Variants in MAPK15 observed in about 807,000 individuals in gnomAD.
MAPK15 encodes the protein mitogen-activated protein kinase 15.
MAPK15 carries 61 observed loss-of-function variants against 60.8 expected under a neutral mutation model. The ratio of observed to expected loss-of-function variants is 1.00; its 90% confidence interval spans 0.82 to 1.24. The LOEUF is 1.24. Among genes scored for constraint, MAPK15 ranks in the 50% most tolerant of loss-of-function variants. The pLI is 0.00. For synonymous variants in MAPK15, 356 were observed against 319.9 expected, an observed-to-expected ratio of 1.11 and a Z score of -1.21; for missense variants, 808 against 741.1, an observed-to-expected ratio of 1.09 and a Z score of -1.05.
chr8:143,718,912 T>A lies in MAPK15; in HGVS notation c.417+7T>A, dbSNP rs1554619064. On this transcript the variant is annotated splice_region_variant and intron_variant, in intron 5 of 13. Transcript: ENST00000338033. Reference sequence around the variant, plus strand: ...TGTGCACCGGGACCAGAAGGTGCGGTTCCCCCGCCCCCGCTATGCCACGTG... The same window carrying A: ...TGTGCACCGGGACCAGAAGGTGCGGATCCCCCGCCCCCGCTATGCCACGTG... The A allele has an allele frequency of 1.2e-6, 2 of 1,602,016 alleles. No individual in the cohort carries two copies. Among genetic ancestry groups the A allele is most frequent in the East Asian group, 4.5e-5 (2 of 44,688 alleles).
chr8:143,719,282 G>A (rs1817949378), intron 6 of MAPK15, 61 bp from the exon 7 acceptor site: 8 of 1,537,360 alleles, frequency 5.2e-6, no homozygotes, highest in African/African-American at 1.4e-5. Context: ...TCACCCCCCA[G>A]CAACCCCACC....
intron 10 of MAPK15, 55 bp from the exon 11 acceptor site, chr8:143,721,176 C>A (rs1428778281): frequency 2.5e-6 from 4 of 1,591,968 alleles, no homozygotes; most frequent in Non-Finnish European, 3.4e-6. Context: ...TGTCAGAGAC[C>A]CCCAAACGCC....
In MAPK15 at chr8:143,718,795, A is replaced by G; in HGVS notation, c.307A>G (p.Ile103Val). The change falls in exon 5 of 14, where the codon ATC becomes GTC. Residue 103 changes from isoleucine to valine, a missense_variant. By Grantham distance (29) the Ile-to-Val change is conservative. Coordinates refer to ENST00000338033, the MANE Select transcript of MAPK15 (RefSeq NM_139021.3). ...EFMDTDLNAV[I>V]RKGGLLQDVH... ...TGCAGACACTGACCTGAACGCAGTC[A>G]TCCGGAAGGGCGGCCTGCTGCAGGA... The G allele has an allele frequency of 1.9e-6, 3 of 1,542,862 alleles. No homozygotes were observed. Among genetic ancestry groups the G allele is most frequent in the Non-Finnish European group, 2.6e-6 (3 of 1,140,422 alleles).
intron 1 of MAPK15, among the ~76,000 whole-genome samples, chr8:143,716,678 G>T (rs1371494245): frequency 6.6e-6 from 1 of 152,152 alleles, no homozygotes; most frequent in Non-Finnish European, 1.5e-5. Context: ...AGCCAGGGCC[G>T]CCAGAGGCCT....
Position 143,720,996 on chromosome 8 carries a change from G to A in MAPK15, c.918-4G>A, listed in dbSNP as rs1437058278. Reference sequence around the variant, plus strand: ...CCGGGCCCCACCTCCCTGGCTCCCTGCAGGTTCCACTGCCCCAGCGACGAG... The same window carrying A: ...CCGGGCCCCACCTCCCTGGCTCCCTACAGGTTCCACTGCCCCAGCGACGAG... On this transcript the variant is annotated splice_polypyrimidine_tract_variant and splice_region_variant and intron_variant, in intron 9 of 13. Transcript: ENST00000338033. This position sits in a 1 kb window ranked among gnomAD's most constrained non-coding sequence, Gnocchi z 4.6. The A allele has an allele frequency of 3.7e-6, 6 of 1,608,084 alleles. No homozygotes were observed. Among genetic ancestry groups the A allele is most frequent in the Non-Finnish European group, 5.1e-6 (6 of 1,177,872 alleles).
rs782270731 is a variant in MAPK15, at chr8:143,719,408, C to T, written c.647C>T (p.Pro216Leu). Residue 216 changes from proline (P) to leucine (L), a missense_variant, in exon 7 of 14, where the codon CCC (proline) becomes CTC (leucine). By Grantham distance (98) the Pro-to-Leu change is moderately conservative (BLOSUM62 -3). Coordinates refer to ENST00000338033, the MANE Select transcript of MAPK15 (RefSeq NM_139021.3). ...CILGEMLRGR[P>L]LFPGTSTLHQ... Reference sequence around the variant, plus strand: ...CTGGGGGAGATGCTGCGGGGGAGACCCCTGTTCCCCGGCACGTCCACCCTC... The same window carrying T: ...CTGGGGGAGATGCTGCGGGGGAGACTCCTGTTCCCCGGCACGTCCACCCTC... 2 of 1,611,320 alleles carry T rather than the reference C, an allele frequency of 1.2e-6. No individual in the cohort carries two copies. Among genetic ancestry groups the T allele is most frequent in the South Asian group, 1.1e-5 (1 of 90,748 alleles).
rs1678293334 is a variant in MAPK15, at chr8:143,721,643, G to A, written c.1299G>A (p.Ala433=). 6.8e-6 allele frequency: 11 copies of A among 1,609,612 alleles called. No homozygotes were observed. Among genetic ancestry groups the A allele is most frequent in the East Asian group, 2.2e-5 (1 of 44,820 alleles). The part of the protein sequence containing the change: ...LLGNGERPPG[A]KEAPPLTLSL... ...GGAATGGGGAAAGGCCCCCTGGGGC[G>A]AAGGAAGCGCCCCCCTTGACACTCT... is the stretch of plus-strand genomic sequence containing the variant. Residue 433 remains alanine, a synonymous_variant, in exon 12 of 14, where the codon GCG becomes GCA. Coordinates refer to ENST00000338033, the MANE Select transcript of MAPK15 (RefSeq NM_139021.3).
In MAPK15 at chr8:143,721,762, G is replaced by A; in HGVS notation, c.1340G>A (p.Ser447Asn). 6.2e-7 allele frequency: 1 copy of A among 1,613,546 alleles called. No individual in the cohort carries two copies. Among genetic ancestry groups the A allele is most frequent in the Non-Finnish European group, 8.5e-7 (1 of 1,179,882 alleles). The part of the protein sequence containing the change: ...PPLTLSLVKP[S>N]GRGAAPSLTS... Reference sequence around the variant, plus strand: ...CATGGCCCTTCCCAGGTGAAGCCAAGCGGGAGGGGAGCTGCGCCCTCCCTG... The same window carrying A: ...CATGGCCCTTCCCAGGTGAAGCCAAACGGGAGGGGAGCTGCGCCCTCCCTG... The change falls in exon 13 of 14, where the codon AGC (serine) becomes AAC (asparagine). Residue 447 changes from serine (S) to asparagine (N), a missense_variant. Coordinates refer to ENST00000338033, the MANE Select transcript of MAPK15 (RefSeq NM_139021.3).
At chr8:143,716,566 C>G in intron 1 of MAPK15, 123 bp downstream of exon 1, 1 of 817,144 alleles carries the variant, frequency 1.2e-6, no homozygotes, top group Non-Finnish European at 1.8e-6. Context: ...CCTGCCTCCT[C>G]CGTAGGCGGG....
chr8:143,717,319 G>A (rs1262571944), intron 1 of MAPK15, among the ~76,000 whole-genome samples: 1 of 152,180 alleles, frequency 6.6e-6, no homozygotes, highest in Non-Finnish European at 1.5e-5. Flanking sequence ...CCGTGGCAGG[G>A]GCTAGATTCT....
chr8:143,719,604 C>T, intron 7 of MAPK15, 122 bp downstream of exon 7: 1 of 1,333,978 alleles, frequency 7.5e-7, no homozygotes, highest in Non-Finnish European at 9.9e-7. Flanking sequence ...AGGGAGGATC[C>T]AGAGGATGGG....
At position 143,716,430 on chromosome 8, in the gene MAPK15, AG is replaced by A. The variant is rs1554618354; in HGVS notation, c.54del (p.Gln18HisfsTer62). The A allele has an allele frequency of 1.2e-6, 2 of 1,603,780 alleles. No homozygotes were observed. Among genetic ancestry groups the A allele is most frequent in the Admixed American group, 3.4e-5 (2 of 59,068 alleles). The stretch of plus-strand genomic sequence containing the variant: ...GTCCGGAGATACCTACTCAGGCGGC[AG>A]CTCGGGCAGGGGGTGAGTGCCTGGG... Reference protein sequence around the residue: ...RIVRRYLLRRQLGQGAYGIVW... With the variant: ...RIVRRYLLRRXLGQGAYGIVW... On this transcript the variant is annotated frameshift_variant, in exon 1 of 14. Transcript: ENST00000338033. LOFTEE classifies it high-confidence loss of function.
Position 143,719,106 on chromosome 8 carries a change from C to CGTGGCCACACGCT in MAPK15, c.533_545dup (p.Trp182CysfsTer62), listed in dbSNP as rs1563749635. On this transcript the variant is annotated frameshift_variant, in exon 6 of 14. Transcript: ENST00000338033. LOFTEE classifies it high-confidence loss of function. ...CTGAGGACCAGGCCGTGACAGAGTA[C>CGTGGCCACACGCT]GTGGCCACACGCTGGTACCGAGCAC... The CGTGGCCACACGCT allele has an allele frequency of 1.3e-6, 2 of 1,562,702 alleles. No individual in the cohort carries two copies. The highest frequency in any genetic ancestry group is 1.7e-6 in the Non-Finnish European group (2 of 1,154,038).
rs374143686 is a variant in MAPK15, at chr8:143,718,759, C to T, written c.287-16C>T. Reference sequence around the variant, plus strand: ...CAGCCCCCCACCCCCGACTGCAGTGCGCACCCTCTCTGCAGACACTGACCT... The same window carrying T: ...CAGCCCCCCACCCCCGACTGCAGTGTGCACCCTCTCTGCAGACACTGACCT... On this transcript the variant is annotated splice_polypyrimidine_tract_variant and intron_variant, in intron 4 of 13. Coordinates refer to ENST00000338033, the MANE Select transcript of MAPK15 (RefSeq NM_139021.3). 96 of 1,166,256 alleles carry T rather than the reference C, an allele frequency of 8.2e-5. No homozygotes were observed. Among genetic ancestry groups the T allele is most frequent in the South Asian group, 7.3e-4 (58 of 79,338 alleles). 72.2% of individuals were successfully genotyped at this position (1,166,256 alleles called of 1,614,324 possible).
chr8:143,722,340 C>T lies in MAPK15; in HGVS notation c.*89C>T, dbSNP rs1818117905. 6 of 1,222,302 alleles carry T rather than the reference C, an allele frequency of 4.9e-6. No homozygotes were observed. The East Asian group carries it at 1.3e-4, about 27-fold the overall frequency. 75.7% of individuals were successfully genotyped at this position (1,222,302 alleles called of 1,614,324 possible). On this transcript the variant is annotated 3_prime_UTR_variant, in exon 14 of 14. Coordinates refer to ENST00000338033, the MANE Select transcript of MAPK15 (RefSeq NM_139021.3). ...CAGTCTCCTGCACCCCTTAGCCCTC[C>T]CTGCTTTGCCTGGCCCGTTGAAGTT...
chr8:143,716,564 C>A, intron 1 of MAPK15, 121 bp downstream of exon 1: 1 of 843,104 alleles, frequency 1.2e-6, no homozygotes, highest in Non-Finnish European at 1.7e-6. Context: ...GTCCTGCCTC[C>A]TCCGTAGGCG....
chr8:143,721,148 C>T, intron 10 of MAPK15, 43 bp downstream of exon 10: 1 of 1,597,622 alleles, frequency 6.3e-7, no homozygotes, highest in Non-Finnish European at 8.5e-7. Context: ...TCTACTGCAC[C>T]CTGGAGGCTG....
At position 143,721,405 on chromosome 8, in the gene MAPK15, G is replaced by C. The variant is rs782753569; in HGVS notation, c.1198G>C (p.Glu400Gln). Residue 400 changes from glutamate to glutamine, a missense_variant, in exon 11 of 14, where the codon GAG (glutamate) becomes CAG (glutamine). Coordinates refer to ENST00000338033, the MANE Select transcript of MAPK15 (RefSeq NM_139021.3). ...PQSSPGHDPA[E>Q]HESPRAAKNV... The stretch of plus-strand genomic sequence containing the variant: ...GAGCAGCCCAGGCCATGACCCTGCC[G>C]AGCACGGTGTGTGATCTTTGCTGGC... 3.1e-6 allele frequency: 5 copies of C among 1,610,578 alleles called. No homozygotes were observed. The African/African-American group carries it at 5.3e-5, about 17-fold the overall frequency.
chr8:143,717,829 G>C (rs200574683), intron 2 of MAPK15, 37 bp downstream of exon 2: 2 of 1,579,060 alleles, frequency 1.3e-6, no homozygotes, highest in African/African-American at 2.7e-5. Flanking sequence ...GAGGATGGGG[G>C]CAGGGAGGGG....
Sources: allele counts gnomAD v4.1 joint callset (sites outside exome capture counted in the v4.1 genomes callset), GRCh38; gene constraint gnomAD v4.1.1; non-coding constraint Gnocchi (gnomAD v3.1); transcripts MANE v1.5; gene names NCBI Gene and HGNC (gene_info 2026-07-23, HGNC 2026-07-21).